The following KCTD1 variants were observed in gnomAD, a reference collection of about 807,000 sequenced individuals.
KCTD1 encodes potassium channel tetramerization domain containing 1, also known as BTB/POZ domain-containing protein KCTD1.
KCTD1 carries 24 observed loss-of-function variants against 66.0 expected under a neutral mutation model. That is an observed-to-expected ratio of 0.36 (90% CI 0.26 to 0.51). The LOEUF is 0.51. Ranked by LOEUF, KCTD1 falls within the 20% of genes least tolerant of loss-of-function variation. The pLI is 0.95. For missense variants in KCTD1, 943 were observed against 1,205.2 expected (o/e 0.78, Z 3.22); for synonymous variants, 511 against 517.2 (o/e 0.99, Z 0.16).
chr18:26,522,323 G>A (rs1263817520), intron 1 of KCTD1, among the ~76,000 whole-genome samples: 2 of 152,310 alleles, frequency 1.3e-5, no homozygotes, highest in East Asian at 3.9e-4. Flanking sequence ...TCAAGGCAGA[G>A]ATCGATCGGT....
chr18:26,643,156 C>T (rs773778367), upstream of KCTD1, among the ~76,000 whole-genome samples: 2 of 152,102 alleles, frequency 1.3e-5, no homozygotes, highest in Non-Finnish European at 2.9e-5. Context: ...CTCTCTGGCT[C>T]GCCGACAGCC....
chr18:26,551,693 T>C (rs1985573073), upstream of KCTD1, among the ~76,000 whole-genome samples: 1 of 152,092 alleles, frequency 6.6e-6, no homozygotes, highest in African/African-American at 2.4e-5. Flanking sequence ...TAACACAAAA[T>C]TACAGTGGAG....
At chr18:26,520,904 C>G (rs987532277) in intron 1 of KCTD1, among the ~76,000 whole-genome samples, 4 of 152,232 alleles carry the variant, frequency 2.6e-5, no homozygotes, top group Non-Finnish European at 5.9e-5. Flanking sequence ...GAGCTGAGCT[C>G]CTGGCTCCTG....
chr18:26,611,777 T>C (rs1343713037), intron 1 of KCTD1, among the ~76,000 whole-genome samples: 1 of 152,236 alleles, frequency 6.6e-6, no homozygotes, highest in Non-Finnish European at 1.5e-5. Flanking sequence ...TAATCTTTAA[T>C]TGGATGCCAG....
chr18:26,485,937 T>C (rs1981894587), intron 2 of KCTD1, among the ~76,000 whole-genome samples: 2 of 146,514 alleles, frequency 1.4e-5, no homozygotes, highest in Non-Finnish European at 3.0e-5. Flanking sequence ...ATTTAATCCT[T>C]TTTTTTTTTT....
chr18:26,546,718 G>A lies in KCTD1; in HGVS notation c.1809+10C>T. 1 of 1,542,464 alleles carries A rather than the reference G, an allele frequency of 6.5e-7. No individual in the cohort carries two copies. The highest frequency in any genetic ancestry group is 1.2e-5 in the South Asian group (1 of 82,006). On this transcript the variant is annotated intron_variant, in intron 1 of 4. Transcript: ENST00000580059. ...AGAAACATTTCATGCATAGAGTTTG[G>A]TTTGGTTACCTGGGTGGGGGAAACA... is the stretch of plus-strand genomic sequence containing the variant.
intron 1 of KCTD1, among the ~76,000 whole-genome samples, chr18:26,626,770 C>T (rs1472291351): frequency 6.6e-6 from 1 of 152,004 alleles, no homozygotes; most frequent in Non-Finnish European, 1.5e-5. Flanking sequence ...TCCCTGTGCC[C>T]AGCAGGAAGT....
intron 1 of KCTD1, among the ~76,000 whole-genome samples, chr18:26,514,569 A>T (rs1983550473): frequency 7.1e-6 from 1 of 139,982 alleles, no homozygotes; most frequent in Non-Finnish European, 1.6e-5. Flanking sequence ...AAAAAAAAAA[A>T]AAGAAATGGC....
intron 1 of KCTD1, among the ~76,000 whole-genome samples, chr18:26,627,864 T>C (rs549638962): frequency 1.3e-5 from 2 of 152,304 alleles, no homozygotes; most frequent in South Asian, 4.1e-4. Flanking sequence ...TACCTAGTTA[T>C]CCATAAAGGA....
At chr18:26,545,700 G>C (rs1249348267) in intron 1 of KCTD1, 1 of 151,732 alleles carries the variant, frequency 6.6e-6, no homozygotes, top group Non-Finnish European at 1.5e-5. Flanking sequence ...AAAGACCCCT[G>C]GTTTCTGACT....
At chr18:26,578,037 GCTTTT>G (rs1402618276) in intron 1 of KCTD1, among the ~76,000 whole-genome samples, 282 of 142,398 alleles carry the variant, frequency 2.0e-3, no homozygotes, top group African/African-American at 7.6e-3. Flanking sequence ...TCTCCACCTT[GCTTTT>G]CTTTTCTTTT....
chr18:26,497,238 T>G (rs1378604133), intron 2 of KCTD1, among the ~76,000 whole-genome samples: 1 of 152,166 alleles, frequency 6.6e-6, no homozygotes, highest in Non-Finnish European at 1.5e-5. Context: ...AATTAGTATT[T>G]TTAAACTACA....
chr18:26,613,631 T>A (rs1987185172), intron 1 of KCTD1, among the ~76,000 whole-genome samples: 2 of 152,238 alleles, frequency 1.3e-5, no homozygotes, highest in Non-Finnish European at 2.9e-5. Flanking sequence ...CAAGAAACTC[T>A]GGTCCAAAAT....
chr18:26,546,774 G>A lies in KCTD1; in HGVS notation c.1763C>T (p.Thr588Ile). The A allele has an allele frequency of 1.3e-6, 2 of 1,550,168 alleles. No individual in the cohort carries two copies. Among genetic ancestry groups the A allele is most frequent in the South Asian group, 1.2e-5 (1 of 83,734 alleles). ...LLPEANGHRS[T>I]NSPTIVSPAI... ...AGGTGAAACTATTGTGGGAGAATTG[G>A]TGCTTCTGTGCCCATTGGCTTCTGG... Residue 588 changes from threonine (T) to isoleucine (I), a missense_variant, in exon 1 of 5, where the codon ACC becomes ATC. By Grantham distance (89) the Thr-to-Ile change is moderately conservative. Around this residue, in one of 10 missense-constraint regions of KCTD1, gnomAD observed 197 missense variants for 182.7 expected, o/e 1.08. Coordinates refer to ENST00000580059, the MANE Select transcript of KCTD1 (RefSeq NM_001142730.3).
chr18:26,490,864 T>A (rs1490850009), intron 2 of KCTD1, among the ~76,000 whole-genome samples: 2 of 151,880 alleles, frequency 1.3e-5, no homozygotes, highest in Admixed American at 6.6e-5. Flanking sequence ...GCGATTCTCA[T>A]GCCTCAGCCT....
chr18:26,538,988 C>T (rs1984845956), intron 1 of KCTD1, among the ~76,000 whole-genome samples: 1 of 152,232 alleles, frequency 6.6e-6, no homozygotes. Flanking sequence ...TATGTCACTG[C>T]TTTGTGATGC....
chr18:26,562,589 T>C (rs1263679384), intron 1 of KCTD1, among the ~76,000 whole-genome samples: 1 of 152,198 alleles, frequency 6.6e-6, no homozygotes, highest in Non-Finnish European at 1.5e-5. Context: ...ATCCATCTAT[T>C]ATGTCTTCAT....
intron 2 of KCTD1, among the ~76,000 whole-genome samples, chr18:26,483,270 C>T (rs1184726287): frequency 6.6e-6 from 1 of 152,032 alleles, no homozygotes; most frequent in Non-Finnish European, 1.5e-5. Flanking sequence ...TCTTTCTTTT[C>T]TTTTTTCTTT....
chr18:26,521,945 A>G (rs1342602794), intron 1 of KCTD1, among the ~76,000 whole-genome samples: 1 of 152,174 alleles, frequency 6.6e-6, no homozygotes, highest in African/African-American at 2.4e-5. Flanking sequence ...AAACAGATGC[A>G]CTTTGTTGTA....
Sources: gnomAD v4.1 joint callset for allele counts (sites outside exome capture counted in the v4.1 genomes callset) on GRCh38, gnomAD v4.1.1 for gene constraint, gnomAD v4.1.1 regional missense constraint, MANE v1.5 for transcripts, NCBI Gene and HGNC (gene_info 2026-07-23, HGNC 2026-07-21) for gene names.